PCYT1A: variants seen among roughly 807,000 people sequenced by gnomAD.
PCYT1A encodes the protein choline-phosphate cytidylyltransferase A.
A neutral mutation model predicts 43.7 loss-of-function variants in PCYT1A; 25 were observed. That is an observed-to-expected ratio of 0.57 (90% CI 0.42 to 0.80). The LOEUF (loss-of-function observed/expected upper bound fraction) is 0.80. Among genes scored for constraint, PCYT1A ranks in the 30% least tolerant of loss-of-function variants. The pLI, the probability that PCYT1A is intolerant of heterozygous loss-of-function variation, is 0.00. For missense variants in PCYT1A, 421 were observed against 474.2 expected, an observed-to-expected ratio of 0.89 and a Z score of 1.04; for synonymous variants, 172 against 170.7, an observed-to-expected ratio of 1.01 and a Z score of -0.06.
At chr3:196,258,689 G>A (rs1015775763) in intron 2 of PCYT1A, among the ~76,000 whole-genome samples, 1 of 151,720 alleles carries the variant, frequency 6.6e-6, no homozygotes, top group African/African-American at 2.4e-5. Context: ...CCCGACTCAA[G>A]TGATCCTCCC....
At chr3:196,241,714 C>G in intron 7 of PCYT1A, 1 of 1,376,874 alleles carries the variant, frequency 7.3e-7, no homozygotes, top group Non-Finnish European at 9.8e-7. Context: ...ATATAAATTA[C>G]TCATTTATTT....
At chr3:196,284,670 G>A (rs965893778) in intron 1 of PCYT1A, among the ~76,000 whole-genome samples, 1 of 152,186 alleles carries the variant, frequency 6.6e-6, no homozygotes, top group African/African-American at 2.4e-5. Context: ...CTGCTTATGG[G>A]AGGAGAGTCA....
rs1392518534 is a variant in PCYT1A, at chr3:196,238,616, A to G, written c.*72T>C. The G allele has an allele frequency of 4.8e-6, 5 of 1,052,210 alleles. No individual in the cohort carries two copies. The highest frequency in any genetic ancestry group is 1.9e-5 in the South Asian group (1 of 54,008). 65.2% of individuals were successfully genotyped at this position (1,052,210 alleles called of 1,614,324 possible). ...CCTTAGGTTTAGTGTTGGGGTCACA[A>G]TTTGGAATTCAACAGAGAGCTTCTG... On this transcript the variant is annotated 3_prime_UTR_variant, in exon 9 of 9. Coordinates refer to ENST00000431016, the MANE Select transcript of PCYT1A (RefSeq NM_001312673.2).
chr3:196,262,523 T>C (rs190464287), intron 2 of PCYT1A, among the ~76,000 whole-genome samples: 22 of 152,344 alleles, frequency 1.4e-4, no homozygotes, highest in African/African-American at 5.3e-4. Context: ...TAAAATGCTA[T>C]ATAAACTTTC....
chr3:196,280,632 G>A (rs1725745637), intron 1 of PCYT1A, among the ~76,000 whole-genome samples: 1 of 138,932 alleles, frequency 7.2e-6, no homozygotes, highest in Non-Finnish European at 1.5e-5. Context: ...TGCGGATGTG[G>A]AGCCCATGGC....
At position 196,282,816 on chromosome 3, in the gene PCYT1A, A is replaced by G. The variant is rs946242891; in HGVS notation, c.-11+4799T>C. On this transcript the variant is annotated intron_variant, in intron 1 of 8. Transcript: ENST00000431016. This position sits in a 1 kb window ranked among gnomAD's most constrained non-coding sequence, Gnocchi z 4.3. ...GTAATTTTCTGTATATAAAAAAACTACCTGTTTTTTATTAAGGGTCATATG... is the reference window on the plus strand; with the variant it reads ...GTAATTTTCTGTATATAAAAAAACTGCCTGTTTTTTATTAAGGGTCATATG... Among the ~76,000 whole-genome samples the G allele has an allele frequency of 6.6e-6, 1 of 152,176 alleles. No homozygotes were observed. The highest frequency in any genetic ancestry group is 2.4e-5 in the African/African-American group (1 of 41,442).
chr3:196,279,326 A>G (rs2108781945), intron 1 of PCYT1A, among the ~76,000 whole-genome samples: 1 of 127,542 alleles, frequency 7.8e-6, no homozygotes, highest in Admixed American at 8.6e-5. Flanking sequence ...AGAATACAGC[A>G]ATTGTTAAGA....
At position 196,242,217 on chromosome 3, in the gene PCYT1A, G is replaced by T; in HGVS notation, c.566-127C>A. The T allele has an allele frequency of 1.1e-6, 1 of 925,798 alleles. No individual in the cohort carries two copies. Among genetic ancestry groups the T allele is most frequent in the Non-Finnish European group, 1.7e-6 (1 of 593,182 alleles). 57.3% of individuals were successfully genotyped at this position (925,798 alleles called of 1,614,324 possible). On this transcript the variant is annotated intron_variant, in intron 6 of 8. Transcript: ENST00000431016. This position sits in a 1 kb window ranked among gnomAD's most constrained non-coding sequence, Gnocchi z 4.2. Reference sequence around the variant, plus strand: ...AAAGCAGAATCTGTTATTACTAAATGAAACTGAAAGATACTGATATACAGA... The same window carrying T: ...AAAGCAGAATCTGTTATTACTAAATTAAACTGAAAGATACTGATATACAGA...
At chr3:196,255,743 A>G (rs924339050) in intron 3 of PCYT1A, among the ~76,000 whole-genome samples, 2 of 152,254 alleles carry the variant, frequency 1.3e-5, no homozygotes, top group African/African-American at 4.8e-5. Flanking sequence ...ACATATTTTC[A>G]AATTTTATGT....
chr3:196,265,570 A>G (rs1175129718), intron 2 of PCYT1A, among the ~76,000 whole-genome samples: 1 of 152,046 alleles, frequency 6.6e-6, no homozygotes, highest in African/African-American at 2.4e-5. Flanking sequence ...CCAGGTATCT[A>G]CTACTTGGTG....
At chr3:196,241,906 T>A (rs748056267) in intron 7 of PCYT1A, 42 bp downstream of exon 7, 2 of 1,611,084 alleles carry the variant, frequency 1.2e-6, no homozygotes, top group Non-Finnish European at 1.7e-6. Flanking sequence ...GTGATATGTC[T>A]CCTACAGAGT....
At chr3:196,272,442 CA>C (rs2108778697) in intron 1 of PCYT1A, among the ~76,000 whole-genome samples, 1 of 152,278 alleles carries the variant, frequency 6.6e-6, no homozygotes, top group East Asian at 1.9e-4. Flanking sequence ...CCTCGTCCTC[CA>C]AAAGTGCTGA....
Position 196,237,764 on chromosome 3 carries a change from A to G in PCYT1A, c.*924T>C, listed in dbSNP as rs1319765542. The G allele has an allele frequency of 6.6e-6, 1 of 152,244 alleles. No homozygotes were observed. The highest frequency in any genetic ancestry group is 1.5e-5 in the Non-Finnish European group (1 of 68,056). The allele number at this position is 152,244 out of a possible 1,614,324, so 9.4% of individuals were successfully genotyped here. ...GGCTAGGTAATATTAATAGCATTCA[A>G]ATAGGAGTAGCAGGGCCAGGCACTT... On this transcript the variant is annotated 3_prime_UTR_variant, in exon 9 of 9. Coordinates refer to ENST00000431016, the MANE Select transcript of PCYT1A (RefSeq NM_001312673.2).
chr3:196,249,313 A>AT (rs10668425), intron 3 of PCYT1A, among the ~76,000 whole-genome samples: 29,629 of 125,782 alleles, frequency 0.24, 3,977 homozygotes, highest in South Asian at 0.33. Flanking sequence ...TGCCCAGCTA[A>AT]TTTTTTTTTT....
At chr3:196,285,410 G>A (rs1370110486) in intron 1 of PCYT1A, among the ~76,000 whole-genome samples, 2 of 152,110 alleles carry the variant, frequency 1.3e-5, no homozygotes, top group African/African-American at 4.8e-5. Context: ...AGCGAGCTGG[G>A]ATCGTGCCAG....
At chr3:196,244,151 G>A (rs183740999) in intron 5 of PCYT1A, among the ~76,000 whole-genome samples, 44 of 143,080 alleles carry the variant, frequency 3.1e-4, no homozygotes, top group African/African-American at 7.9e-4. Flanking sequence ...CCACGACCCC[G>A]TCTGGGAACT....
At chr3:196,259,352 C>CA (rs34514926) in intron 2 of PCYT1A, among the ~76,000 whole-genome samples, 55,753 of 151,838 alleles carry the variant, frequency 0.37, 10,949 homozygotes, top group East Asian at 0.82. Flanking sequence ...TTTAAATTGT[C>CA]AAATTTTTGG....
intron 5 of PCYT1A, chr3:196,243,327 CAA>C (rs35854110): frequency 3.0e-5 from 4 of 131,536 alleles, no homozygotes; most frequent in Admixed American, 7.7e-5. Context: ...GACTCTGTCT[CAA>C]AAAAAAAAAA....
At chr3:196,262,823 C>T (rs142676677) in intron 2 of PCYT1A, among the ~76,000 whole-genome samples, 2,045 of 140,020 alleles carry the variant, frequency 0.015, 28 homozygotes, top group Middle Eastern at 0.021. Flanking sequence ...GTGAGACAGT[C>T]TCACCCTGTC....
Sources: allele counts gnomAD v4.1 joint callset (sites outside exome capture counted in the v4.1 genomes callset), GRCh38; gene constraint gnomAD v4.1.1; non-coding constraint Gnocchi (gnomAD v3.1); transcripts MANE v1.5; gene names NCBI Gene and HGNC (gene_info 2026-07-23, HGNC 2026-07-21).